The following DLG1 variants were observed in gnomAD, a reference collection of about 807,000 sequenced individuals.
DLG1 encodes the protein discs large MAGUK scaffold protein 1, also known as disks large homolog 1.
DLG1 carries 42 observed loss-of-function variants against 123.4 expected under a neutral mutation model. The ratio of observed to expected loss-of-function variants is 0.34; its 90% CI spans 0.27 to 0.44. DLG1 has a LOEUF of 0.44. DLG1 is among the 20% of genes least tolerant of loss of function. The pLI, the probability that DLG1 is intolerant of heterozygous loss-of-function variation, is 1.00. For missense variants in DLG1, 942 were observed against 1,082.6 expected (o/e 0.87, Z 1.82); for synonymous variants, 317 against 356.2 (o/e 0.89, Z 1.24).
chr3:197,134,155 G>A (rs561847584), intron 10 of DLG1, among the ~76,000 whole-genome samples: 1 of 152,286 alleles, frequency 6.6e-6, no homozygotes, highest in East Asian at 1.9e-4. Context: ...TATAGTTTGA[G>A]GAAAGAGTGG....
chr3:197,144,692 C>A (rs1789797378), intron 6 of DLG1, among the ~76,000 whole-genome samples: 2 of 152,132 alleles, frequency 1.3e-5, no homozygotes, highest in Non-Finnish European at 2.9e-5. Context: ...ACTTTTGAAG[C>A]CCATCTCTAC....
chr3:197,254,433 A>C (rs1470547721), intron 4 of DLG1, among the ~76,000 whole-genome samples: 1 of 152,234 alleles, frequency 6.6e-6, no homozygotes, highest in Non-Finnish European at 1.5e-5. Flanking sequence ...TATCAGCCTC[A>C]CTGCAGCTTC....
At chr3:197,159,067 A>T (rs1346891246) in intron 5 of DLG1, among the ~76,000 whole-genome samples, 1 of 152,206 alleles carries the variant, frequency 6.6e-6, no homozygotes, top group African/African-American at 2.4e-5. Flanking sequence ...TTCTATGTGG[A>T]GAAACTGAGG....
At chr3:197,291,300 T>TACACACACACACACAC (rs33920543) in intron 3 of DLG1, among the ~76,000 whole-genome samples, 22 of 143,186 alleles carry the variant, frequency 1.5e-4, no homozygotes, top group African/African-American at 4.5e-4. Context: ...CCTACAAAGT[T>TACACACACACACACAC]ACACACACAC....
intron 15 of DLG1, among the ~76,000 whole-genome samples, chr3:197,086,822 A>G (rs1439862819): frequency 2.6e-5 from 4 of 152,212 alleles, no homozygotes; most frequent in African/African-American, 9.6e-5. Context: ...GTACCTTAAG[A>G]GGTAGTACAA....
chr3:197,175,296 C>T (rs1033108182), intron 5 of DLG1, among the ~76,000 whole-genome samples: 3 of 152,026 alleles, frequency 2.0e-5, no homozygotes, highest in Non-Finnish European at 2.9e-5. Flanking sequence ...AAATGGAGGG[C>T]TGGAAATGTT....
At chr3:197,264,882 A>C (rs1315356930) in intron 4 of DLG1, among the ~76,000 whole-genome samples, 1 of 152,240 alleles carries the variant, frequency 6.6e-6, no homozygotes, top group African/African-American at 2.4e-5. Flanking sequence ...ACAGAAGAGG[A>C]AGCCACTTTC....
intron 4 of DLG1, among the ~76,000 whole-genome samples, chr3:197,249,711 C>T (rs1029481854): frequency 5.3e-5 from 8 of 152,118 alleles, no homozygotes; most frequent in Non-Finnish European, 8.8e-5. Flanking sequence ...AAAAGGATCA[C>T]GCATCATAAT....
intron 10 of DLG1, among the ~76,000 whole-genome samples, chr3:197,135,400 T>G (rs1016073885): frequency 2.0e-5 from 3 of 152,204 alleles, no homozygotes; most frequent in Non-Finnish European, 4.4e-5. Context: ...TATAAGCATC[T>G]GGCATTTCCA....
intron 4 of DLG1, among the ~76,000 whole-genome samples, chr3:197,258,425 T>TGG (rs796501381): frequency 3.5e-3 from 15 of 4,264 alleles, no homozygotes; most frequent in African/African-American, 6.6e-3. Flanking sequence ...CATATAGTTA[T>TGG]GGGGGGGCGG....
chr3:197,134,286 G>A (rs1784051625), intron 10 of DLG1, among the ~76,000 whole-genome samples: 1 of 151,998 alleles, frequency 6.6e-6, no homozygotes, highest in African/African-American at 2.4e-5. Context: ...ACAGGATGTA[G>A]AACAAAGGAA....
intron 7 of DLG1, among the ~76,000 whole-genome samples, chr3:197,141,908 T>C (rs1414611223): frequency 1.3e-5 from 2 of 152,166 alleles, no homozygotes; most frequent in Non-Finnish European, 2.9e-5. Flanking sequence ...AGTTTTGCCA[T>C]GTTGGCCAGG....
intron 22 of DLG1, among the ~76,000 whole-genome samples, chr3:197,064,771 T>C (rs551956469): frequency 6.6e-6 from 1 of 152,176 alleles, no homozygotes; most frequent in Non-Finnish European, 1.5e-5. Context: ...AAAAGTTTTT[T>C]AAAAATTTTA....
chr3:197,159,885 A>G (rs1464262440), intron 5 of DLG1, among the ~76,000 whole-genome samples: 1 of 152,144 alleles, frequency 6.6e-6, no homozygotes, highest in Non-Finnish European at 1.5e-5. Flanking sequence ...ACAAAACAAA[A>G]CTTGTTCCTT....
chr3:197,048,532 AAAGAT>A (rs1227593554), intron 24 of DLG1, among the ~76,000 whole-genome samples: 6 of 152,314 alleles, frequency 3.9e-5, no homozygotes, highest in South Asian at 2.1e-4. Context: ...CTGTTATCAA[AAAGAT>A]AAGAGATAAC....
chr3:197,290,964 C>T (rs930237632), intron 3 of DLG1, among the ~76,000 whole-genome samples: 2 of 150,308 alleles, frequency 1.3e-5, no homozygotes, highest in Non-Finnish European at 3.0e-5. Flanking sequence ...GAAATGTGCC[C>T]TAAGTAAAGA....
chr3:197,183,767 G>C, intron 5 of DLG1: 3 of 1,550,460 alleles, frequency 1.9e-6, no homozygotes, highest in Non-Finnish European at 2.6e-6. Context: ...CTCGACTGCC[G>C]CGAGAGTATA....
rs574286572 is a variant in DLG1 at position 197,156,315 on chromosome 3, G to C, written c.484-6519C>G. ...AATATAACTAAAGAATAGACACAAA[G>C]GAAACAAGAAAGTTAAATGTTTCAC... is the stretch of plus-strand genomic sequence containing the variant. On this transcript the variant is annotated intron_variant, in intron 5 of 24. Coordinates refer to ENST00000667157, the MANE Select transcript of DLG1 (RefSeq NM_001366207.1). Among the ~76,000 whole-genome samples, 7 of 151,702 alleles carry C rather than the reference G, an allele frequency of 4.6e-5. No homozygotes were observed. The East Asian group carries it at 1.4e-3, about 29-fold the overall frequency.
chr3:197,102,955 A>G (rs574024420), intron 14 of DLG1, among the ~76,000 whole-genome samples: 1 of 152,342 alleles, frequency 6.6e-6, no homozygotes, highest in African/African-American at 2.4e-5. Context: ...GGCACAGGAC[A>G]TTTTTACAGG....
Sources: gnomAD v4.1 joint callset for allele counts (sites outside exome capture counted in the v4.1 genomes callset) on GRCh38, gnomAD v4.1.1 for gene constraint, MANE v1.5 for transcripts, NCBI Gene and HGNC (gene_info 2026-07-23, HGNC 2026-07-21) for gene names.